Variants in MYH11 observed in about 807,000 individuals in gnomAD.
MYH11 encodes myosin heavy chain 11.
A neutral mutation model predicts 246.6 loss-of-function variants in MYH11; 80 were observed. The ratio of observed to expected loss-of-function variants is 0.32; its 90% confidence interval spans 0.27 to 0.39. The LOEUF (loss-of-function observed/expected upper bound fraction) is 0.39, where lower values mean the gene tolerates loss of function less well. Ranked by LOEUF, MYH11 falls within the 10% of genes least tolerant of loss-of-function variation. MYH11 has a pLI of 1.00. For missense variants in MYH11, 2,158 were observed against 2,546.8 expected (o/e 0.85, Z 3.29); for synonymous variants, 1,071 against 1,015.5 (o/e 1.05, Z -1.04).
chr16:15,855,750 G>A (rs902175069), intron 1 of MYH11, among the ~76,000 whole-genome samples: 5 of 152,134 alleles, frequency 3.3e-5, no homozygotes, highest in African/African-American at 4.8e-5. Context: ...TCAGTTCAGC[G>A]TCAAGTTCCG....
chr16:15,745,066 G>T, intron 20 of MYH11, 63 bp downstream of exon 20: 1 of 1,258,952 alleles, frequency 7.9e-7, no homozygotes. Flanking sequence ...CAAATGTGAA[G>T]GCTCCAGAGT....
At chr16:15,829,071 C>A (rs958304280) in intron 2 of MYH11, among the ~76,000 whole-genome samples, 1 of 151,672 alleles carries the variant, frequency 6.6e-6, no homozygotes, top group African/African-American at 2.4e-5. Context: ...GTAATCCCAG[C>A]TACTCAGGAG....
At chr16:15,708,487 A>G (rs2039588954) in intron 40 of MYH11, among the ~76,000 whole-genome samples, 2 of 152,224 alleles carry the variant, frequency 1.3e-5, no homozygotes, top group African/African-American at 4.8e-5. Flanking sequence ...CATGAAAGGA[A>G]GAAAAATCCA....
At chr16:15,783,843 G>A (rs2042408894) in intron 5 of MYH11, among the ~76,000 whole-genome samples, 2 of 152,096 alleles carry the variant, frequency 1.3e-5, no homozygotes. Context: ...TAACTGACTC[G>A]GCCAAGGTCA....
In MYH11 at chr16:15,721,498, T is replaced by G; in HGVS notation, c.4502A>C (p.Glu1501Ala). 1 of 1,614,188 alleles carries G rather than the reference T, an allele frequency of 6.2e-7. No homozygotes were observed. The highest frequency in any genetic ancestry group is 8.5e-7 in the Non-Finnish European group (1 of 1,180,038). The part of the protein sequence containing the change: ...ALEEALEAKE[E>A]LERTNKMLKA... ...GAGCATTTTGTTGGTCCGCTCGAGT[T>G]CCTCTTTGGCTTCCAAGGCCTCTTC... The change falls in exon 32 of 41, where the codon GAA becomes GCA. Residue 1501 changes from glutamate (E) to alanine (A), a missense_variant. Physicochemically the swap from Glu to Ala is moderately radical, Grantham distance 107 (BLOSUM62 -1). Coordinates refer to ENST00000300036, the MANE Select transcript of MYH11 (RefSeq NM_002474.3).
At chr16:15,790,760 G>T (rs1480342645) in intron 4 of MYH11, among the ~76,000 whole-genome samples, 1 of 152,026 alleles carries the variant, frequency 6.6e-6, no homozygotes, top group Non-Finnish European at 1.5e-5. Context: ...CTACCCCAGT[G>T]CCAAGTCCTT....
intron 15 of MYH11, 85 bp downstream of exon 15, chr16:15,753,309 T>C: frequency 8.2e-7 from 1 of 1,223,288 alleles, no homozygotes. Context: ...CCTCCCCTCC[T>C]GGGGCAGGTG....
intron 5 of MYH11, chr16:15,785,301 C>T (rs948335851): frequency 2.6e-5 from 4 of 152,008 alleles, no homozygotes; most frequent in African/African-American, 9.7e-5. Flanking sequence ...CATAGTAGGC[C>T]CTTGATAACG....
chr16:15,851,846 T>G (rs1427699302), intron 1 of MYH11, among the ~76,000 whole-genome samples: 2 of 152,188 alleles, frequency 1.3e-5, no homozygotes, highest in Non-Finnish European at 2.9e-5. Flanking sequence ...CGGTAGCCCC[T>G]GTGAAGGATG....
chr16:15,722,307 GC>G (rs2040529418), intron 31 of MYH11, among the ~76,000 whole-genome samples: 1 of 152,202 alleles, frequency 6.6e-6, no homozygotes, highest in Non-Finnish European at 1.5e-5. Context: ...TATCCTAAGA[GC>G]CTCAGTAGGG....
At chr16:15,744,120 TAA>T (rs77951359) in intron 20 of MYH11, among the ~76,000 whole-genome samples, 1 of 139,222 alleles carries the variant, frequency 7.2e-6, no homozygotes. Context: ...ATGCAAAAAG[TAA>T]AAAAAAAAAA....
intron 13 of MYH11, among the ~76,000 whole-genome samples, chr16:15,756,972 C>G (rs939734292): frequency 1.3e-5 from 2 of 150,830 alleles, no homozygotes; most frequent in African/African-American, 2.4e-5. Flanking sequence ...CTGATTTTTT[C>G]TATTTTTAGT....
chr16:15,789,415 G>C (rs189200575), intron 4 of MYH11, among the ~76,000 whole-genome samples: 5 of 152,112 alleles, frequency 3.3e-5, no homozygotes, highest in Non-Finnish European at 7.3e-5. Flanking sequence ...TCACCCATCC[G>C]GGGAAACTGA....
At chr16:15,752,380 C>G (rs1408344195) in intron 15 of MYH11, among the ~76,000 whole-genome samples, 1 of 152,064 alleles carries the variant, frequency 6.6e-6, no homozygotes, top group Non-Finnish European at 1.5e-5. Flanking sequence ...TGGCCAGGGA[C>G]AAACAGCAAA....
At chr16:15,836,431 C>T (rs2043893758) in intron 2 of MYH11, among the ~76,000 whole-genome samples, 1 of 152,094 alleles carries the variant, frequency 6.6e-6, no homozygotes, top group Admixed American at 6.6e-5. Context: ...TGAAGTTTTG[C>T]TCTTATTGCC....
chr16:15,703,324 C>T lies in MYH11; in HGVS notation c.*667G>A, dbSNP rs750835123. ...GAGAGGGGGAAAGAATTCTCAAAGG[C>T]CTGACGTGAGAAGTTGGAAAGGTTT... On this transcript the variant is annotated 3_prime_UTR_variant, in exon 41 of 41. Coordinates refer to ENST00000300036, the MANE Select transcript of MYH11 (RefSeq NM_002474.3). 8.7e-6 allele frequency: 2 copies of T among 230,458 alleles called. No individual in the cohort carries two copies. The highest frequency in any genetic ancestry group is 1.7e-5 in the Non-Finnish European group (2 of 115,860). 14.3% of individuals were successfully genotyped at this position (230,458 alleles called of 1,614,324 possible). A position where few individuals can be genotyped will look rare whatever the true frequency, so the allele number is the denominator to read the frequency against.
chr16:15,795,112 A>G (rs1010134322), intron 4 of MYH11, among the ~76,000 whole-genome samples: 6 of 151,338 alleles, frequency 4.0e-5, no homozygotes, highest in Non-Finnish European at 7.4e-5. Context: ...GTTTGAGACC[A>G]GGCTGGCCAA....
At chr16:15,840,377 A>G (rs2044022947) in intron 1 of MYH11, among the ~76,000 whole-genome samples, 2 of 152,200 alleles carry the variant, frequency 1.3e-5, no homozygotes, top group Admixed American at 1.3e-4. Flanking sequence ...AATGCTTGAG[A>G]TGATGGATAT....
At chr16:15,847,102 C>A (rs1378140212) in intron 1 of MYH11, among the ~76,000 whole-genome samples, 1 of 152,088 alleles carries the variant, frequency 6.6e-6, no homozygotes, top group Admixed American at 6.6e-5. Context: ...ACCTCGGCCA[C>A]TTAAACACAG....
Sources: gnomAD v4.1 joint callset for allele counts (sites outside exome capture counted in the v4.1 genomes callset) on GRCh38, gnomAD v4.1.1 for gene constraint, MANE v1.5 for transcripts, NCBI Gene and HGNC (gene_info 2026-07-23, HGNC 2026-07-21) for gene names.